DNER: variants seen among roughly 807,000 people sequenced by gnomAD.
DNER encodes delta and Notch-like epidermal growth factor-related receptor.
In DNER, 33 loss-of-function variants were observed where a neutral mutation model predicts 78.2. That is an observed-to-expected ratio of 0.42 (90% CI 0.32 to 0.56). The LOEUF (loss-of-function observed/expected upper bound fraction) is 0.56. Ranked by LOEUF, DNER falls within the 20% of genes least tolerant of loss-of-function variation. The probability of loss-of-function intolerance (pLI) is 0.11; values close to 1 mark genes in which losing one functional copy is unlikely to be tolerated. For synonymous variants in DNER, 417 were observed against 384.8 expected (o/e 1.08, Z -0.98); for missense variants, 918 against 975.3 (o/e 0.94, Z 0.78).
At chr2:229,360,550 C>A (rs1692189022) in intron 12 of DNER, among the ~76,000 whole-genome samples, 1 of 152,118 alleles carries the variant, frequency 6.6e-6, no homozygotes, top group African/African-American at 2.4e-5. Flanking sequence ...GTAGCTGGGA[C>A]TACAGGCGCC....
intron 5 of DNER, among the ~76,000 whole-genome samples, chr2:229,525,813 C>T (rs1342687406): frequency 6.6e-6 from 1 of 152,076 alleles, no homozygotes; most frequent in Non-Finnish European, 1.5e-5. Flanking sequence ...GGGGGTTTCA[C>T]CATGTTGGCC....
At chr2:229,478,119 GA>G (rs1217126851) in intron 6 of DNER, among the ~76,000 whole-genome samples, 3 of 151,992 alleles carry the variant, frequency 2.0e-5, no homozygotes, top group Non-Finnish European at 4.4e-5. Flanking sequence ...CACAGAAAAA[GA>G]AAAAAATGTG....
At chr2:229,484,857 T>G (rs1250113637) in intron 6 of DNER, among the ~76,000 whole-genome samples, 1 of 152,172 alleles carries the variant, frequency 6.6e-6, no homozygotes, top group African/African-American at 2.4e-5. Flanking sequence ...TCAGAGCCTC[T>G]TATCTTCCCT....
At position 229,692,395 on chromosome 2, in the gene DNER, TACTC is replaced by T. The variant is rs949647256; in HGVS notation, c.276+21749_276+21752del. 1.7e-4 allele frequency among the ~76,000 whole-genome samples: 26 copies of T among 152,368 alleles called. No individual in the cohort carries two copies. In the Middle Eastern group the frequency reaches 0.01, roughly 60 times the overall value. On this transcript the variant is annotated intron_variant, in intron 1 of 12. Transcript: ENST00000341772. ...CATCATTGCATTTCTGGTTTATTCA[TACTC>T]ACTCAAACACAGATATTACACTCAT...
chr2:229,667,959 G>C (rs1245745566), intron 1 of DNER, among the ~76,000 whole-genome samples: 1 of 152,180 alleles, frequency 6.6e-6, no homozygotes, highest in Non-Finnish European at 1.5e-5. Context: ...AGATTTCGGG[G>C]CAGTGACCAT....
At chr2:229,398,824 C>T (rs73100222) in intron 10 of DNER, among the ~76,000 whole-genome samples, 5,116 of 151,526 alleles carry the variant, frequency 0.034, 136 homozygotes, top group African/African-American at 0.073. Context: ...ATTAACAAGC[C>T]AAAGAAAAAA....
At chr2:229,471,793 C>T (rs1376041661) in intron 7 of DNER, among the ~76,000 whole-genome samples, 1 of 152,220 alleles carries the variant, frequency 6.6e-6, no homozygotes, top group Non-Finnish European at 1.5e-5. Flanking sequence ...ACGAGTGTTA[C>T]TCTACTTTAT....
intron 4 of DNER, among the ~76,000 whole-genome samples, chr2:229,577,299 T>A (rs1285503724): frequency 6.6e-6 from 1 of 152,130 alleles, no homozygotes; most frequent in African/African-American, 2.4e-5. Flanking sequence ...TTCATGTAAC[T>A]GGGTAGGTCT....
chr2:229,569,753 T>A (rs1697183199), intron 4 of DNER, among the ~76,000 whole-genome samples: 1 of 152,168 alleles, frequency 6.6e-6, no homozygotes. Flanking sequence ...TTTTCAAATA[T>A]TTTTGATCCA....
chr2:229,608,314 A>T (rs1331023757), intron 1 of DNER, among the ~76,000 whole-genome samples: 2 of 152,200 alleles, frequency 1.3e-5, no homozygotes, highest in African/African-American at 4.8e-5. Context: ...CAGTGTGTCC[A>T]TTGTCCAAAG....
intron 1 of DNER, among the ~76,000 whole-genome samples, chr2:229,681,999 C>A (rs1699396286): frequency 1.3e-5 from 2 of 152,008 alleles, no homozygotes; most frequent in Admixed American, 6.6e-5. Flanking sequence ...TCAGAGAAAA[C>A]CATATTAAAG....
rs900657031 is a variant in DNER at position 229,565,418 on chromosome 2, T to C, written c.848-18326A>G. Among the ~76,000 whole-genome samples the C allele has an allele frequency of 3.9e-5, 6 of 152,188 alleles. 1 individual carries two copies. The highest frequency in any genetic ancestry group is 5.9e-5 in the Non-Finnish European group (4 of 68,032). ...ACTATCTGCCTTTTTGAATAATTCA[T>C]GCCCCGTCTCTCCATTAAAAAGCCT... On this transcript the variant is annotated intron_variant, in intron 4 of 12. Transcript: ENST00000341772.
chr2:229,700,288 G>GTGTGTGCA (rs143193751), intron 1 of DNER, among the ~76,000 whole-genome samples: 27,145 of 145,034 alleles, frequency 0.19, 3,115 homozygotes, highest in East Asian at 0.39. Flanking sequence ...CAATATATGT[G>GTGTGTGCA]TGTGTGTGTG....
chr2:229,630,974 C>A (rs1050487267), intron 1 of DNER, among the ~76,000 whole-genome samples: 2 of 116,034 alleles, frequency 1.7e-5, no homozygotes, highest in African/African-American at 2.5e-5. Flanking sequence ...TGATTTCATT[C>A]TTTTTTATGG....
intron 6 of DNER, among the ~76,000 whole-genome samples, chr2:229,490,214 G>A (rs1695369887): frequency 6.6e-6 from 1 of 152,130 alleles, no homozygotes; most frequent in Admixed American, 6.5e-5. Context: ...AGCAGAAAGA[G>A]GGAGACAAGG....
chr2:229,393,672 C>A (rs565569647), intron 10 of DNER, among the ~76,000 whole-genome samples: 1 of 151,978 alleles, frequency 6.6e-6, no homozygotes, highest in Admixed American at 6.5e-5. Context: ...ACGGTGAAAC[C>A]CCGTCTCTAC....
At chr2:229,572,462 G>A (rs1697233253) in intron 4 of DNER, among the ~76,000 whole-genome samples, 1 of 152,176 alleles carries the variant, frequency 6.6e-6, no homozygotes, top group African/African-American at 2.4e-5. Context: ...GCTTGAAAGG[G>A]AGAAAGGCCA....
intron 4 of DNER, among the ~76,000 whole-genome samples, chr2:229,553,309 G>A (rs1187424286): frequency 1.3e-5 from 2 of 152,092 alleles, no homozygotes; most frequent in African/African-American, 4.8e-5. Flanking sequence ...TGTTTCCTGG[G>A]CATTCAGTCA....
chr2:229,456,882 A>C (rs990852975), intron 7 of DNER, among the ~76,000 whole-genome samples: 3 of 151,996 alleles, frequency 2.0e-5, no homozygotes, highest in African/African-American at 7.3e-5. Flanking sequence ...GCTGCTGAAA[A>C]CCAAAAATTG....
Sources: gnomAD v4.1 joint callset for allele counts (sites outside exome capture counted in the v4.1 genomes callset) on GRCh38, gnomAD v4.1.1 for gene constraint, MANE v1.5 for transcripts, NCBI Gene and HGNC (gene_info 2026-07-23, HGNC 2026-07-21) for gene names.